Variants in DACH1 observed in about 807,000 individuals in gnomAD.
The protein encoded by DACH1 is dachshund homolog 1.
Under a neutral mutation model 54.2 loss-of-function variants are expected in DACH1, and 12 were observed. The ratio of observed to expected loss-of-function variants is 0.22; its 90% CI spans 0.14 to 0.36. The LOEUF (loss-of-function observed/expected upper bound fraction) is 0.36, where lower values mean the gene tolerates loss of function less well. Among genes scored for constraint, DACH1 ranks in the 10% least tolerant of loss-of-function variants. The probability of loss-of-function intolerance (pLI) is 1.00; values close to 1 mark genes in which losing one functional copy is unlikely to be tolerated. For missense variants in DACH1, 805 were observed against 929.8 expected, an observed-to-expected ratio of 0.87 and a Z score of 1.75; for synonymous variants, 386 against 366.2, an observed-to-expected ratio of 1.05 and a Z score of -0.62.
At chr13:71,489,807 C>T (rs946625584) in intron 6 of DACH1, among the ~76,000 whole-genome samples, 25 of 151,844 alleles carry the variant, frequency 1.6e-4, no homozygotes, top group African/African-American at 4.4e-4. Flanking sequence ...ACATAAAAAA[C>T]GGTATAAAGG....
chr13:71,753,551 G>A (rs1479387812), intron 1 of DACH1, among the ~76,000 whole-genome samples: 2 of 152,130 alleles, frequency 1.3e-5, no homozygotes, highest in South Asian at 2.1e-4. Context: ...AACGAAGTTA[G>A]TATATCCAGG....
At position 71,736,543 on chromosome 13, in the gene DACH1, C is replaced by T. The variant is rs1309203664; in HGVS notation, c.849-54633G>A. ...GCTGAAAGACAAATGGAATGGGGCC[C>T]GATATACTTGAAAGGGTTGGATGGC... is the stretch of plus-strand genomic sequence containing the variant. On this transcript the variant is annotated intron_variant, in intron 1 of 10. Coordinates refer to ENST00000613252, the MANE Select transcript of DACH1 (RefSeq NM_080759.6). Among the ~76,000 whole-genome samples the T allele has an allele frequency of 2.0e-5, 3 of 151,842 alleles. No homozygotes were observed. The East Asian group carries it at 5.8e-4, about 29-fold the overall frequency.
chr13:71,738,123 A>G (rs964123470), intron 1 of DACH1, among the ~76,000 whole-genome samples: 8 of 152,170 alleles, frequency 5.3e-5, no homozygotes, highest in Admixed American at 5.2e-4. Context: ...AAGAAAGAGA[A>G]CCTCAAGTAT....
At chr13:71,579,094 T>C (rs1885707931) in intron 3 of DACH1, among the ~76,000 whole-genome samples, 2 of 152,140 alleles carry the variant, frequency 1.3e-5, no homozygotes, top group South Asian at 4.1e-4. Context: ...ATATAGTTAA[T>C]TAGGAATGTG....
At chr13:71,679,728 T>G (rs898549641) in intron 2 of DACH1, among the ~76,000 whole-genome samples, 1 of 152,104 alleles carries the variant, frequency 6.6e-6, no homozygotes, top group Non-Finnish European at 1.5e-5. Context: ...CTCACGCCTA[T>G]AATCCCAGCA....
At chr13:71,628,275 C>T (rs1209148537) in intron 3 of DACH1, among the ~76,000 whole-genome samples, 1 of 152,010 alleles carries the variant, frequency 6.6e-6, no homozygotes, top group African/African-American at 2.4e-5. Context: ...CCCCCATTAC[C>T]ACATCCCTCC....
At chr13:71,458,615 A>G (rs981848954) in intron 10 of DACH1, among the ~76,000 whole-genome samples, 1 of 151,936 alleles carries the variant, frequency 6.6e-6, no homozygotes, top group Non-Finnish European at 1.5e-5. Flanking sequence ...CAACAAAGCT[A>G]AAAATGAGTT....
At chr13:71,606,551 G>T (rs1311603237) in intron 3 of DACH1, among the ~76,000 whole-genome samples, 1 of 151,976 alleles carries the variant, frequency 6.6e-6, no homozygotes, top group East Asian at 1.9e-4. Flanking sequence ...TTGAATTTAT[G>T]TTGTGGAAAA....
At chr13:71,636,108 C>T (rs933817639) in intron 2 of DACH1, among the ~76,000 whole-genome samples, 2 of 151,980 alleles carry the variant, frequency 1.3e-5, no homozygotes, top group Non-Finnish European at 2.9e-5. Context: ...TTCATTCAAG[C>T]AACCCATTTC....
At chr13:71,528,429 T>C (rs953135428) in intron 6 of DACH1, among the ~76,000 whole-genome samples, 1 of 143,348 alleles carries the variant, frequency 7.0e-6, no homozygotes, top group African/African-American at 2.6e-5. Flanking sequence ...GATTTTCTTT[T>C]TTTTTTTTTT....
At chr13:71,689,769 T>C (rs1393717634) in intron 1 of DACH1, among the ~76,000 whole-genome samples, 1 of 152,192 alleles carries the variant, frequency 6.6e-6, no homozygotes, top group South Asian at 2.1e-4. Flanking sequence ...TAAGCATTTG[T>C]ATATTAAGTG....
At position 71,559,825 on chromosome 13, in the gene DACH1, C is replaced by T. The variant is rs776174060; in HGVS notation, c.1430G>A (p.Arg477Lys). The stretch of plus-strand genomic sequence containing the variant: ...AGTAGAAGTATGAGACCTACGGATT[C>T]TGTCAGAAGAGCTCTCAGTCCGAGC... Reference protein sequence around the residue: ...SPARTESSSDRIPVHQNGLSM... With the variant: ...SPARTESSSDKIPVHQNGLSM... Residue 477 changes from arginine to lysine, a missense_variant, in exon 5 of 11, where the codon AGA becomes AAA. By Grantham distance (26) the Arg-to-Lys change is conservative. Coordinates refer to ENST00000613252, the MANE Select transcript of DACH1 (RefSeq NM_080759.6). The T allele has an allele frequency of 6.2e-7, 1 of 1,613,758 alleles. No individual in the cohort carries two copies. The highest frequency in any genetic ancestry group is 2.2e-5 in the East Asian group (1 of 44,784).
intron 6 of DACH1, among the ~76,000 whole-genome samples, chr13:71,495,548 G>C (rs1879337285): frequency 6.6e-6 from 1 of 152,040 alleles, no homozygotes; most frequent in Admixed American, 6.6e-5. Context: ...AAACACAGTT[G>C]TTTAAACTGA....
intron 1 of DACH1, among the ~76,000 whole-genome samples, chr13:71,803,943 A>G (rs1006465317): frequency 6.6e-6 from 1 of 152,192 alleles, no homozygotes; most frequent in African/African-American, 2.4e-5. Flanking sequence ...ATAAACCACT[A>G]TGAAATATAA....
chr13:71,573,062 TA>T, intron 3 of DACH1, 50 bp from the exon 4 acceptor site: 1 of 1,532,070 alleles, frequency 6.5e-7, no homozygotes, highest in South Asian at 1.2e-5. Flanking sequence ...CATAAATCAT[TA>T]AAAATTGAAA....
At chr13:71,449,197 A>G (rs1225927810) in intron 10 of DACH1, among the ~76,000 whole-genome samples, 6 of 152,046 alleles carry the variant, frequency 3.9e-5, no homozygotes, top group Admixed American at 3.9e-4. Context: ...GTGGTGGCAC[A>G]TGCCTGTGAT....
chr13:71,790,133 A>G (rs1019201006), intron 1 of DACH1, among the ~76,000 whole-genome samples: 3 of 152,192 alleles, frequency 2.0e-5, no homozygotes, highest in Admixed American at 2.0e-4. Context: ...TGAAACTGCT[A>G]TTGAAATTCT....
chr13:71,787,048 C>A (rs932506029), intron 1 of DACH1, among the ~76,000 whole-genome samples: 1 of 152,142 alleles, frequency 6.6e-6, no homozygotes, highest in Non-Finnish European at 1.5e-5. Context: ...ACAAAACCTG[C>A]GTCTTCACAC....
chr13:71,672,220 T>C (rs8001450), intron 2 of DACH1, among the ~76,000 whole-genome samples: 5,400 of 152,232 alleles, frequency 0.035, 215 homozygotes, highest in African/African-American at 0.1. Context: ...TAATGTTCAT[T>C]TATATGGTTA....
Sources: allele counts gnomAD v4.1 joint callset (sites outside exome capture counted in the v4.1 genomes callset), GRCh38; gene constraint gnomAD v4.1.1; transcripts MANE v1.5; gene names NCBI Gene and HGNC (gene_info 2026-07-23, HGNC 2026-07-21).